Variants in ADRA1D observed in about 807,000 individuals in gnomAD.
ADRA1D encodes adrenoceptor alpha 1D.
Under a neutral mutation model 18.6 loss-of-function variants are expected in ADRA1D, and 22 were observed. The ratio of observed to expected loss-of-function variants is 1.19; its 90% CI spans 0.85 to 1.69. ADRA1D has a LOEUF of 1.69. Ranked by LOEUF, ADRA1D falls within the 40% of genes most tolerant of loss-of-function variation. ADRA1D has a pLI of 0.00. For missense variants in ADRA1D, 840 were observed against 840.7 expected (o/e 1.00, Z 0.01); for synonymous variants, 376 against 388.2 (o/e 0.97, Z 0.37).
chr20:4,222,035 G>GCT lies in ADRA1D; in HGVS notation c.1206_1207insAG (p.Pro403SerfsTer143). 6.2e-7 allele frequency: 1 copy of GCT among 1,611,462 alleles called. No individual in the cohort carries two copies. ...CGCTTGAACTCGCGGCTGGAACAGG[G>GCT]GTAGATGAGCGGGTTCACGCAGCTG... On this transcript the variant is annotated frameshift_variant, in exon 2 of 2. Transcript: ENST00000379453. LOFTEE classifies it low-confidence loss of function (END_TRUNC). The surrounding 1 kb of genome is among the most constrained non-coding windows in gnomAD (Gnocchi z 4.3).
intron 1 of ADRA1D, among the ~76,000 whole-genome samples, chr20:4,225,153 C>T (rs1297887363): frequency 1.3e-5 from 2 of 151,728 alleles, no homozygotes; most frequent in African/African-American, 2.4e-5. Context: ...AGGCACGCAC[C>T]ACCATGCCCA....
intron 1 of ADRA1D, among the ~76,000 whole-genome samples, chr20:4,232,498 G>A (rs749108454): frequency 1.4e-4 from 21 of 152,292 alleles, no homozygotes; most frequent in East Asian, 3.9e-4. Flanking sequence ...TCAGCTCCAC[G>A]TCCATCCATC....
In ADRA1D at chr20:4,221,492, C is replaced by G. The variant is rs765905720; in HGVS notation, c.*31G>C. The G allele has an allele frequency of 3.8e-6, 6 of 1,583,066 alleles. No homozygotes were observed. The highest frequency in any genetic ancestry group is 5.2e-6 in the Non-Finnish European group (6 of 1,159,944). ...CTCTGGTCCCCCTTACCCCCAAGCC[C>G]AGCACACTCCGCGGCCTAGCTCTGG... On this transcript the variant is annotated 3_prime_UTR_variant, in exon 2 of 2. Transcript: ENST00000379453.
At chr20:4,236,471 T>G (rs77318572) in intron 1 of ADRA1D, among the ~76,000 whole-genome samples, 2,356 of 152,296 alleles carry the variant, frequency 0.015, 66 homozygotes, top group African/African-American at 0.053. Context: ...CTCAGGTTCC[T>G]GGCTTGGACT....
In ADRA1D at chr20:4,247,986, G is replaced by A; in HGVS notation, c.972C>T (p.Ala324=). Residue 324 remains alanine (A), a synonymous_variant, in exon 1 of 2, where the codon GCC becomes GCT. Coordinates refer to ENST00000379453, the MANE Select transcript of ADRA1D (RefSeq NM_000678.4). Reference sequence around the variant, plus strand: ...GCGAGCTGCGGAAGGTGTGGCCCTTGGCGCTGCGCATGCCGTGCGCCCCGT... The same window carrying A: ...GCGAGCTGCGGAAGGTGTGGCCCTTAGCGCTGCGCATGCCGTGCGCCCCGT... ...GADGAHGMRS[A]KGHTFRSSLS... 2 of 1,574,302 alleles carry A rather than the reference G, an allele frequency of 1.3e-6. No individual in the cohort carries two copies. Among genetic ancestry groups the A allele is most frequent in the Admixed American group, 1.9e-5 (1 of 53,926 alleles).
chr20:4,248,237 G>T lies in ADRA1D; in HGVS notation c.721C>A (p.Pro241Thr), dbSNP rs371360700. 6 of 1,604,304 alleles carry T rather than the reference G, an allele frequency of 3.7e-6. No homozygotes were observed. The highest frequency in any genetic ancestry group is 2.2e-5 in the East Asian group (1 of 44,494). ...GTGATACCGCAGAAGCGCTCGTCAG[G>T]GGGCACGGGCTCCTTCCAGCCCAGC... ...PLLGWKEPVP[P>T]DERFCGITEE... The change falls in exon 1 of 2, where the codon CCT (proline) becomes ACT (threonine). Residue 241 changes from proline (P) to threonine (T), a missense_variant. Transcript: ENST00000379453.
chr20:4,248,657 C>A lies in ADRA1D; in HGVS notation c.301G>T (p.Val101Phe), dbSNP rs375088671. 1.2e-6 allele frequency: 2 copies of A among 1,605,330 alleles called. No homozygotes were observed. The highest frequency in any genetic ancestry group is 1.1e-5 in the South Asian group (1 of 89,930). The change falls in exon 1 of 2, where the codon GTC becomes TTC. Residue 101 changes from valine to phenylalanine, a missense_variant. Coordinates refer to ENST00000379453, the MANE Select transcript of ADRA1D (RefSeq NM_000678.4). Reference sequence around the variant, plus strand: ...ATAAGGATGAAGGCTGCCAGGAAGACGCCCACGCCCACGCCCTGCGCGCTC... The same window carrying A: ...ATAAGGATGAAGGCTGCCAGGAAGAAGCCCACGCCCACGCCCTGCGCGCTC... ...VVSAQGVGVG[V>F]FLAAFILMAV...
chr20:4,230,508 T>G (rs924209776), intron 1 of ADRA1D, among the ~76,000 whole-genome samples: 4 of 152,262 alleles, frequency 2.6e-5, no homozygotes, highest in Non-Finnish European at 4.4e-5. Context: ...TCATTTCATT[T>G]TGCTTAGGTG....
chr20:4,247,825 C>T (rs746703764), intron 1 of ADRA1D, 22 bp downstream of exon 1: 3 of 1,495,644 alleles, frequency 2.0e-6, no homozygotes, highest in Non-Finnish European at 2.7e-6. Context: ...CAGGAGGGGC[C>T]GGTGGGAGAG....
intron 1 of ADRA1D, among the ~76,000 whole-genome samples, chr20:4,244,809 G>A (rs569488741): frequency 3.3e-5 from 5 of 152,316 alleles, no homozygotes; most frequent in Non-Finnish European, 4.4e-5. Context: ...GGGGCAGATC[G>A]GAATATTTTG....
chr20:4,222,939 CT>C lies in ADRA1D; in HGVS notation c.1112-810del, dbSNP rs929404870. ...AAAACTAATGTTAATTTTTTAAAAG[CT>C]TTTTTTTCTTTAATTGATAATATGA... is the stretch of plus-strand genomic sequence containing the variant. On this transcript the variant is annotated intron_variant, in intron 1 of 1. Coordinates refer to ENST00000379453, the MANE Select transcript of ADRA1D (RefSeq NM_000678.4). This position sits in a 1 kb window ranked among gnomAD's most constrained non-coding sequence, Gnocchi z 4.3. Among the ~76,000 whole-genome samples the C allele has an allele frequency of 7.9e-5, 12 of 152,098 alleles. No individual in the cohort carries two copies. The highest frequency in any genetic ancestry group is 4.2e-4 in the South Asian group (2 of 4,812).
At chr20:4,240,316 C>A (rs528686435) in intron 1 of ADRA1D, among the ~76,000 whole-genome samples, 1 of 152,016 alleles carries the variant, frequency 6.6e-6, no homozygotes, top group African/African-American at 2.4e-5. Flanking sequence ...AACAAACCAA[C>A]CAAAAATTTA....
chr20:4,244,363 C>T (rs1176563121), intron 1 of ADRA1D, among the ~76,000 whole-genome samples: 3 of 152,234 alleles, frequency 2.0e-5, no homozygotes, highest in African/African-American at 4.8e-5. Context: ...GCCACCTCAA[C>T]AGCCATCCTG....
Position 4,248,883 on chromosome 20 carries a change from C to G in ADRA1D, c.75G>C (p.Ala25=). 9 of 1,147,012 alleles carry G rather than the reference C, an allele frequency of 7.8e-6. No individual in the cohort carries two copies. Among genetic ancestry groups the G allele is most frequent in the Non-Finnish European group, 9.7e-6 (9 of 932,502 alleles). The allele number at this position is 1,147,012 out of a possible 1,614,324, so 71.1% of individuals were successfully genotyped here. The change falls in exon 1 of 2, where the codon GCG becomes GCC. Residue 25 remains alanine, a synonymous_variant. Transcript: ENST00000379453. ...CGCCCGCGCTGCCCCCGCCGCCGCC[C>G]GCGCTGGAGCCCCCTGCGCTGCTGT... The part of the protein sequence containing the change: ...RPDSSAGGSS[A]GGGGGSAGGA...
rs1472355486 is a variant in ADRA1D, at chr20:4,221,629, T to G, written c.1613A>C (p.Glu538Ala). The G allele has an allele frequency of 6.2e-7, 1 of 1,613,162 alleles. No individual in the cohort carries two copies. Among genetic ancestry groups the G allele is most frequent in the Non-Finnish European group, 8.5e-7 (1 of 1,179,640 alleles). The change falls in exon 2 of 2, where the codon GAG (glutamate) becomes GCG (alanine). Residue 538 changes from glutamate to alanine, a missense_variant. Transcript: ENST00000379453. The stretch of plus-strand genomic sequence containing the variant: ...GACGCCTAGGGACACAGCCTCCACC[T>G]CTGAGCGCTGGGCGCACGCTGCCTC... ...RAEAACAQRS[E>A]VEAVSLGVPH... is the part of the protein sequence containing the mutation.
At chr20:4,244,959 A>G (rs1441516080) in intron 1 of ADRA1D, among the ~76,000 whole-genome samples, 2 of 152,224 alleles carry the variant, frequency 1.3e-5, no homozygotes, top group Non-Finnish European at 2.9e-5. Context: ...ACCATTAGGA[A>G]GGAGGATTTA....
At chr20:4,236,429 G>C (rs1427911152) in intron 1 of ADRA1D, among the ~76,000 whole-genome samples, 1 of 152,186 alleles carries the variant, frequency 6.6e-6, no homozygotes, top group Non-Finnish European at 1.5e-5. Context: ...TGGAGTGTCT[G>C]AGTGGGGCAT....
intron 1 of ADRA1D, among the ~76,000 whole-genome samples, chr20:4,234,294 G>A (rs376172125): frequency 1.1e-4 from 17 of 152,202 alleles, no homozygotes; most frequent in African/African-American, 2.9e-4. Context: ...GACAGACGGC[G>A]CTGAAGTCAA....
At chr20:4,238,900 C>G (rs771911006) in intron 1 of ADRA1D, among the ~76,000 whole-genome samples, 2 of 151,970 alleles carry the variant, frequency 1.3e-5, no homozygotes, top group African/African-American at 4.8e-5. Flanking sequence ...AGATCATCCT[C>G]TGGGACTAGC....
Sources: gnomAD v4.1 joint callset for allele counts (sites outside exome capture counted in the v4.1 genomes callset) on GRCh38, gnomAD v4.1.1 for gene constraint, Gnocchi (gnomAD v3.1) non-coding constraint, MANE v1.5 for transcripts, NCBI Gene and HGNC (gene_info 2026-07-23, HGNC 2026-07-21) for gene names.